The following PBX1 variants were observed in gnomAD, a reference collection of about 807,000 sequenced individuals.
The protein encoded by PBX1 is PBX homeobox 1.
A neutral mutation model predicts 53.4 loss-of-function variants in PBX1; 6 were observed. The ratio of observed to expected loss-of-function variants is 0.11; its 90% CI spans 0.06 to 0.22. The LOEUF (loss-of-function observed/expected upper bound fraction) is 0.22. Ranked by LOEUF, PBX1 falls within the 10% of genes least tolerant of loss-of-function variation. PBX1 has a pLI of 1.00. For synonymous variants in PBX1, 204 were observed against 212.3 expected (o/e 0.96, Z 0.34); for missense variants, 251 against 551.4 (o/e 0.46, Z 5.46).
At chr1:164,611,847 A>G (rs1311170928) in intron 2 of PBX1, among the ~76,000 whole-genome samples, 1 of 152,126 alleles carries the variant, frequency 6.6e-6, no homozygotes, top group Non-Finnish European at 1.5e-5. Context: ...CTGGCCTCCC[A>G]CTAACATTTC....
chr1:164,673,570 A>C (rs1661238787), intron 2 of PBX1, among the ~76,000 whole-genome samples: 2 of 146,010 alleles, frequency 1.4e-5, no homozygotes, highest in African/African-American at 5.2e-5. Flanking sequence ...TCCCGGCTTC[A>C]AGCGATTCTC....
At position 164,572,240 on chromosome 1, in the gene PBX1, G is replaced by A. The variant is rs568526036; in HGVS notation, c.265+8929G>A. Among the ~76,000 whole-genome samples the A allele has an allele frequency of 2.0e-5, 3 of 152,140 alleles. No homozygotes were observed. In the South Asian group the frequency reaches 6.2e-4, roughly 32 times the overall value. ...CACGCCCAGCCTGGTGTATTCTTAA[G>A]TCATAGTGTAAATGGCACTAAGTTT... On this transcript the variant is annotated intron_variant, in intron 2 of 8. Transcript: ENST00000420696.
chr1:164,784,523 T>C (rs1329108183), intron 2 of PBX1, among the ~76,000 whole-genome samples: 1 of 152,188 alleles, frequency 6.6e-6, no homozygotes, highest in Non-Finnish European at 1.5e-5. Flanking sequence ...AAGAAAAACT[T>C]GGTGTGTTTC....
At chr1:164,627,057 G>A (rs1215073429) in intron 2 of PBX1, among the ~76,000 whole-genome samples, 1 of 151,992 alleles carries the variant, frequency 6.6e-6, no homozygotes, top group Non-Finnish European at 1.5e-5. Flanking sequence ...TCTCCTTTTG[G>A]CTGGTGGCTG....
intron 5 of PBX1, among the ~76,000 whole-genome samples, chr1:164,811,632 G>A (rs1669617807): frequency 1.3e-5 from 2 of 152,106 alleles, no homozygotes; most frequent in African/African-American, 4.8e-5. Flanking sequence ...TAAACGCTAG[G>A]GGCATTTCTC....
Position 164,849,914 on chromosome 1 carries a change from CAA to C in PBX1, c.*3244_*3245del, listed in dbSNP as rs1558045678. On this transcript the variant is annotated 3_prime_UTR_variant, in exon 9 of 9. Coordinates refer to ENST00000420696, the MANE Select transcript of PBX1 (RefSeq NM_002585.4). ...AATTTAAAAAAAACTTTAAAAGAAA[CAA>C]AAAAATACTCAACGATTCTTTCAGC... 1 of 228,044 alleles carries C rather than the reference CAA, an allele frequency of 4.4e-6. No homozygotes were observed. The highest frequency in any genetic ancestry group is 1.8e-4 in the South Asian group (1 of 5,476). 14.1% of individuals were successfully genotyped at this position (228,044 alleles called of 1,614,324 possible). A position where few individuals can be genotyped will look rare whatever the true frequency, so the allele number is the denominator to read the frequency against.
rs1378990930 is a variant in PBX1 at position 164,863,624 on chromosome 1, A to G, written n.257+32141A>G. On this transcript the variant is annotated intron_variant and non_coding_transcript_variant, in intron 2 of 2. Coordinates refer to the PBX1 transcript ENST00000558796. Reference sequence around the variant, plus strand: ...ATTGAATTTGTCAACGGGGTCAACAATGTCTTCTTGAGAAGTTGCCTCTCA... The same window carrying G: ...ATTGAATTTGTCAACGGGGTCAACAGTGTCTTCTTGAGAAGTTGCCTCTCA... Among the ~76,000 whole-genome samples, 3 of 152,248 alleles carry G rather than the reference A, an allele frequency of 2.0e-5. No individual in the cohort carries two copies. The East Asian group carries it at 5.8e-4, about 29-fold the overall frequency.
chr1:164,592,408 A>G lies in PBX1; in HGVS notation c.265+29097A>G, dbSNP rs1471217472. On this transcript the variant is annotated intron_variant, in intron 2 of 8. Coordinates refer to ENST00000420696, the MANE Select transcript of PBX1 (RefSeq NM_002585.4). Reference sequence around the variant, plus strand: ...AATTTGCCTAGTAGCCCAACTTTCCAAAGTTAAGATCATCCCTGGCAGGCC... The same window carrying G: ...AATTTGCCTAGTAGCCCAACTTTCCGAAGTTAAGATCATCCCTGGCAGGCC... 3.3e-5 allele frequency among the ~76,000 whole-genome samples: 5 copies of G among 152,208 alleles called. No homozygotes were observed. In the East Asian group the frequency reaches 9.6e-4, roughly 29 times the overall value.
intron 2 of PBX1, among the ~76,000 whole-genome samples, chr1:164,589,587 G>A (rs1301622264): frequency 6.6e-6 from 1 of 152,136 alleles, no homozygotes; most frequent in Non-Finnish European, 1.5e-5. Context: ...GAAAGAGACC[G>A]TTTACCTCCA....
intron 2 of PBX1, among the ~76,000 whole-genome samples, chr1:164,674,217 G>C (rs982780018): frequency 4.6e-5 from 7 of 152,268 alleles, no homozygotes; most frequent in Middle Eastern, 3.4e-3. Context: ...CTTATTTCTA[G>C]AAACAGGTTC....
At chr1:164,724,379 C>T (rs866761274) in intron 2 of PBX1, among the ~76,000 whole-genome samples, 25 of 152,162 alleles carry the variant, frequency 1.6e-4, no homozygotes, top group Non-Finnish European at 8.8e-5. Flanking sequence ...TTCCCTTGGC[C>T]ACTCTTTTGG....
chr1:164,880,513 C>T (rs373971802), intron 2 of PBX1, among the ~76,000 whole-genome samples: 8 of 152,188 alleles, frequency 5.3e-5, no homozygotes, highest in African/African-American at 1.9e-4. Context: ...TTTGGCCAAG[C>T]GTTCTTTCTG....
intron 2 of PBX1, among the ~76,000 whole-genome samples, chr1:164,565,311 A>C (rs1462291321): frequency 6.6e-6 from 1 of 152,194 alleles, no homozygotes; most frequent in African/African-American, 2.4e-5. Context: ...AGAGACTTAA[A>C]AAAATCTAAA....
chr1:164,661,967 T>C (rs1345185362), intron 2 of PBX1, among the ~76,000 whole-genome samples: 2 of 152,208 alleles, frequency 1.3e-5, no homozygotes, highest in Non-Finnish European at 2.9e-5. Context: ...GTTTTCTTCT[T>C]GAGTACTTTC....
In PBX1 at chr1:164,655,200, A is replaced by C. The variant is rs571596545; in HGVS notation, c.265+91889A>C. ...GCGATCTCAGCTCACTGCAACCTCC[A>C]CCTCCTGGGTTCAAGTGATTCTCCT... is the stretch of plus-strand genomic sequence containing the variant. On this transcript the variant is annotated intron_variant, in intron 2 of 8. Coordinates refer to ENST00000420696, the MANE Select transcript of PBX1 (RefSeq NM_002585.4). 9.7e-4 allele frequency among the ~76,000 whole-genome samples: 145 copies of C among 148,872 alleles called. 1 individual carries two copies. The highest frequency in any genetic ancestry group is 3.5e-3 in the African/African-American group (141 of 40,018).
Position 164,807,623 on chromosome 1 carries a change from C to T in PBX1, c.783C>T (p.Pro261=). 1 of 1,614,122 alleles carries T rather than the reference C, an allele frequency of 6.2e-7. No individual in the cohort carries two copies. The highest frequency in any genetic ancestry group is 8.5e-7 in the Non-Finnish European group (1 of 1,179,986). ...YFYSHLSNPY[P]SEEAKEELAK... ...ATTCCCATCTCAGCAACCCTTACCC[C>T]AGTGAGGAAGCCAAAGAGGAGTTAG... The change falls in exon 5 of 9, where the codon CCC becomes CCT. Residue 261 remains proline (P), a synonymous_variant. Coordinates refer to ENST00000420696, the MANE Select transcript of PBX1 (RefSeq NM_002585.4).
chr1:164,582,080 GA>G (rs892382260), intron 2 of PBX1, among the ~76,000 whole-genome samples: 1 of 152,116 alleles, frequency 6.6e-6, no homozygotes, highest in Non-Finnish European at 1.5e-5. Flanking sequence ...GAAATTAGAA[GA>G]AAAAAATTCA....
At chr1:164,776,203 A>G (rs1404018166) in intron 2 of PBX1, among the ~76,000 whole-genome samples, 1 of 152,166 alleles carries the variant, frequency 6.6e-6, no homozygotes, top group Non-Finnish European at 1.5e-5. Flanking sequence ...ATAAATTGTT[A>G]GGTATTTATC....
At chr1:164,836,671 G>GC (rs1456925840) in intron 8 of PBX1, among the ~76,000 whole-genome samples, 7 of 152,070 alleles carry the variant, frequency 4.6e-5, no homozygotes, top group African/African-American at 1.7e-4. Context: ...CCAAGCCTGG[G>GC]CCTGCTTCCC....
Sources: gnomAD v4.1 joint callset for allele counts (sites outside exome capture counted in the v4.1 genomes callset) on GRCh38, gnomAD v4.1.1 for gene constraint, MANE v1.5 for transcripts, NCBI Gene and HGNC (gene_info 2026-07-23, HGNC 2026-07-21) for gene names.